RP1L1: variants seen among roughly 807,000 people sequenced by gnomAD.
RP1L1 encodes retinitis pigmentosa 1-like 1 protein.
A neutral mutation model predicts 15.7 loss-of-function variants in RP1L1; 27 were observed. The ratio of observed to expected loss-of-function variants is 1.72; its 90% confidence interval spans 1.27 to 2.38. The LOEUF (loss-of-function observed/expected upper bound fraction) is 2.38, where lower values mean the gene tolerates loss of function less well. RP1L1 is among the 30% of genes most tolerant of loss of function. The pLI, the probability that RP1L1 is intolerant of heterozygous loss-of-function variation, is 0.00. For missense variants in RP1L1, 4,798 were observed against 3,075.9 expected (o/e 1.56, Z -13.24); for synonymous variants, 1,813 against 1,276.7 (o/e 1.42, Z -8.96).
chr8:10,627,561 C>T (rs552386898), intron 1 of RP1L1, among the ~76,000 whole-genome samples: 32 of 151,436 alleles, frequency 2.1e-4, no homozygotes, highest in African/African-American at 7.8e-4. Context: ...TGATGGTGGT[C>T]GCACACCAAC....
At chr8:10,631,664 C>T (rs1015246163) in intron 1 of RP1L1, among the ~76,000 whole-genome samples, 5 of 152,326 alleles carry the variant, frequency 3.3e-5, no homozygotes, top group South Asian at 2.1e-4. Flanking sequence ...ACTTCCGAGA[C>T]GACCACAGCA....
chr8:10,638,326 C>T (rs1407424839), intron 1 of RP1L1, among the ~76,000 whole-genome samples: 4 of 152,018 alleles, frequency 2.6e-5, no homozygotes, highest in Non-Finnish European at 4.4e-5. Flanking sequence ...AAAGTACAAA[C>T]GGAAGCATGA....
chr8:10,634,394 C>T (rs1164347219), intron 1 of RP1L1, among the ~76,000 whole-genome samples: 10 of 152,166 alleles, frequency 6.6e-5, no homozygotes, highest in Non-Finnish European at 2.9e-5. Flanking sequence ...ACCGCATGGT[C>T]ATCATCAGCA....
chr8:10,633,323 C>T (rs548484337), intron 1 of RP1L1, among the ~76,000 whole-genome samples: 1 of 152,310 alleles, frequency 6.6e-6, no homozygotes, highest in Admixed American at 6.5e-5. Context: ...CAAATCCAAC[C>T]CGAAATCAGA....
intron 1 of RP1L1, among the ~76,000 whole-genome samples, chr8:10,648,846 C>A (rs917994957): frequency 1.3e-5 from 2 of 152,262 alleles, no homozygotes; most frequent in African/African-American, 4.8e-5. Flanking sequence ...CAGCATTTAT[C>A]TTCCTCTATC....
rs760875310 is a variant in RP1L1 at position 10,610,787 on chromosome 8, G to C, written c.3311C>G (p.Ser1104Cys). The C allele has an allele frequency of 6.8e-5, 109 of 1,612,268 alleles. No individual in the cohort carries two copies. Among genetic ancestry groups the C allele is most frequent in the Non-Finnish European group, 7.6e-5 (90 of 1,179,348 alleles). Residue 1104 changes from serine (S) to cysteine (C), a missense_variant, in exon 4 of 4, where the codon TCT (serine) becomes TGT (cysteine). Physicochemically the swap from Ser to Cys is moderately radical, Grantham distance 112. Transcript: ENST00000382483. ...QGRPSSVPEV[S>C]RPMARRLSCS... is the part of the protein sequence containing the mutation. ...GCTGAGCCTCCTGGCCATGGGCCTA[G>C]ACACTTCGGGCACGCTGCTGGGCCG...
chr8:10,637,394 G>C (rs1798345769), intron 1 of RP1L1, among the ~76,000 whole-genome samples: 4 of 152,144 alleles, frequency 2.6e-5, no homozygotes, highest in Admixed American at 2.6e-4. Flanking sequence ...TGTCAGTGTA[G>C]GGGCCAGAAA....
chr8:10,627,129 G>T (rs1798170990), intron 1 of RP1L1, among the ~76,000 whole-genome samples: 1 of 152,188 alleles, frequency 6.6e-6, no homozygotes, highest in Middle Eastern at 3.2e-3. Flanking sequence ...AATCCCATTT[G>T]TGGGTATCTC....
chr8:10,654,994 C>G lies in RP1L1; in HGVS notation c.-116G>C, dbSNP rs1446155940. On this transcript the variant is annotated 5_prime_UTR_variant, in exon 1 of 4. Transcript: ENST00000382483. ...GGCCAGGGGGAACACCGCCTCCTTCCCTGCCAGTGGCTCAGTCCCTCTGGG... is the reference window on the plus strand; with the variant it reads ...GGCCAGGGGGAACACCGCCTCCTTCGCTGCCAGTGGCTCAGTCCCTCTGGG... 1 of 152,994 alleles carries G rather than the reference C, an allele frequency of 6.5e-6. No individual in the cohort carries two copies. The highest frequency in any genetic ancestry group is 6.5e-5 in the Admixed American group (1 of 15,294). 9.5% of individuals were successfully genotyped at this position (152,994 alleles called of 1,614,324 possible).
In RP1L1 at chr8:10,606,759, G is replaced by C; in HGVS notation, c.*136C>G. On this transcript the variant is annotated 3_prime_UTR_variant, in exon 4 of 4. Coordinates refer to ENST00000382483, the MANE Select transcript of RP1L1 (RefSeq NM_178857.6). ...CCCAGGACAGCATGGCATGGGCTGT[G>C]TCCTTGGCAAGTCCTTGGTCTTTGT... The C allele has an allele frequency of 6.9e-7, 1 of 1,449,546 alleles. No individual in the cohort carries two copies. Among genetic ancestry groups the C allele is most frequent in the South Asian group, 1.3e-5 (1 of 76,532 alleles). 89.8% of individuals were successfully genotyped at this position (1,449,546 alleles called of 1,614,324 possible).
chr8:10,644,556 C>A (rs943075879), intron 1 of RP1L1, among the ~76,000 whole-genome samples: 2 of 152,224 alleles, frequency 1.3e-5, no homozygotes, highest in African/African-American at 4.8e-5. Context: ...GACCCAGGAA[C>A]CAGTCCTTCC....
intron 1 of RP1L1, among the ~76,000 whole-genome samples, chr8:10,625,135 G>C (rs1173623975): frequency 6.6e-6 from 1 of 152,260 alleles, no homozygotes; most frequent in South Asian, 2.1e-4. Flanking sequence ...CCCCTTGCTG[G>C]TTTCCTCCTT....
intron 2 of RP1L1, 134 bp downstream of exon 2, chr8:10,622,459 T>G (rs1405700532): frequency 3.5e-6 from 4 of 1,145,450 alleles, no homozygotes; most frequent in Non-Finnish European, 3.9e-6. Context: ...AGTGTCTCCA[T>G]GCTGTTCACC....
intron 1 of RP1L1, among the ~76,000 whole-genome samples, chr8:10,635,966 C>G (rs550325762): frequency 6.6e-6 from 1 of 152,206 alleles, no homozygotes; most frequent in Non-Finnish European, 1.5e-5. Flanking sequence ...GGCACAGGCC[C>G]GAGAGCACAG....
Position 10,611,797 on chromosome 8 carries a change from C to T in RP1L1, c.2301G>A (p.Gly767=), listed in dbSNP as rs1163276065. 6.2e-7 allele frequency: 1 copy of T among 1,613,516 alleles called. No homozygotes were observed. The highest frequency in any genetic ancestry group is 8.5e-7 in the Non-Finnish European group (1 of 1,180,014). ...TGGGGGCCGGCGAGCATGTCCTGGA[C>T]CCCGCGTCCCCTGCCCACCCGGCAG... The part of the protein sequence containing the change: ...APSAGWAGDA[G]SRTCSPAPIP... Residue 767 remains glycine (G), a synonymous_variant, in exon 4 of 4, where the codon GGG becomes GGA. Transcript: ENST00000382483.
Position 10,611,465 on chromosome 8 carries a change from T to G in RP1L1, c.2633A>C (p.Gln878Pro), listed in dbSNP as rs777275955. 1.3e-6 allele frequency: 2 copies of G among 1,570,034 alleles called. No individual in the cohort carries two copies. The highest frequency in any genetic ancestry group is 2.3e-5 in the East Asian group (1 of 43,036). The change falls in exon 4 of 4, where the codon CAA (glutamine) becomes CCA (proline). Residue 878 changes from glutamine to proline, a missense_variant. Physicochemically the swap from Gln to Pro is moderately conservative, Grantham distance 76. Transcript: ENST00000382483. ...SSCGSTGSSH[Q>P]STARGPGGSP... ...CCCACCTGGCCCCCGGGCAGTGCTT[T>G]GGTGGCTGCTGCCGGTGCTCCCACA...
Position 10,609,133 on chromosome 8 carries a change from C to T in RP1L1, c.4965G>A (p.Glu1655=), listed in dbSNP as rs773743307. 8.7e-6 allele frequency: 14 copies of T among 1,613,482 alleles called. No individual in the cohort carries two copies. The highest frequency in any genetic ancestry group is 1.1e-5 in the Non-Finnish European group (13 of 1,179,850). The change falls in exon 4 of 4, where the codon GAG becomes GAA. Residue 1655 remains glutamate, a synonymous_variant. Coordinates refer to ENST00000382483, the MANE Select transcript of RP1L1 (RefSeq NM_178857.6). The stretch of plus-strand genomic sequence containing the variant: ...TCACGCAGGCCTCGCAGGGACAGAA[C>T]TCCTCCCCCTCCGCCTCCTCGCCCA... ...SQLGEEAEGE[E]FCPCEACVRK...
intron 1 of RP1L1, among the ~76,000 whole-genome samples, chr8:10,629,392 A>G (rs1349517590): frequency 6.6e-6 from 1 of 152,178 alleles, no homozygotes; most frequent in Non-Finnish European, 1.5e-5. Flanking sequence ...GAACATCAAG[A>G]CGAAAAGTAA....
intron 1 of RP1L1, among the ~76,000 whole-genome samples, chr8:10,626,016 G>A (rs1457819736): frequency 3.3e-5 from 5 of 152,070 alleles, no homozygotes; most frequent in Admixed American, 6.5e-5. Context: ...GGGGGTAGAC[G>A]GAGCAAGGAA....
Sources: allele counts gnomAD v4.1 joint callset (sites outside exome capture counted in the v4.1 genomes callset), GRCh38; gene constraint gnomAD v4.1.1; transcripts MANE v1.5; gene names NCBI Gene and HGNC (gene_info 2026-07-23, HGNC 2026-07-21).